Variants in CDH18 observed in about 807,000 individuals in gnomAD.
CDH18 encodes the protein cadherin-18.
CDH18 carries 31 observed loss-of-function variants against 67.9 expected under a neutral mutation model. The ratio of observed to expected loss-of-function variants is 0.46; its 90% CI spans 0.34 to 0.62. The LOEUF (loss-of-function observed/expected upper bound fraction) is 0.62. Ranked by LOEUF, CDH18 falls within the 20% of genes least tolerant of loss-of-function variation. The pLI is 0.01. For missense variants in CDH18, 890 were observed against 975.5 expected (o/e 0.91, Z 1.17); for synonymous variants, 362 against 347.2 (o/e 1.04, Z -0.48).
At chr5:19,717,932 T>C (rs1765538002) in intron 5 of CDH18, among the ~76,000 whole-genome samples, 1 of 152,024 alleles carries the variant, frequency 6.6e-6, no homozygotes. Context: ...TGTCCTTTGT[T>C]GGTACACACT....
At chr5:19,805,084 C>T (rs549491518) in intron 3 of CDH18, among the ~76,000 whole-genome samples, 1 of 151,908 alleles carries the variant, frequency 6.6e-6, no homozygotes, top group African/African-American at 2.4e-5. Flanking sequence ...GTAGCTGAGA[C>T]TACAGGCGTA....
chr5:19,553,955 C>G (rs1737921784), intron 8 of CDH18, among the ~76,000 whole-genome samples: 1 of 152,034 alleles, frequency 6.6e-6, no homozygotes, highest in Non-Finnish European at 1.5e-5. Flanking sequence ...TTTAGCTTAA[C>G]AAAAAGTCAC....
chr5:20,202,912 GAAAAC>G (rs543494006), intron 2 of CDH18, among the ~76,000 whole-genome samples: 1 of 151,764 alleles, frequency 6.6e-6, no homozygotes, highest in African/African-American at 2.4e-5. Flanking sequence ...CCATTCAGAA[GAAAAC>G]AAAACAAAAC....
chr5:20,277,683 C>T (rs554100823), intron 1 of CDH18, among the ~76,000 whole-genome samples: 87 of 152,090 alleles, frequency 5.7e-4, no homozygotes, highest in African/African-American at 1.9e-3. Flanking sequence ...CACAAGGGAC[C>T]GATCCTGAAG....
At chr5:20,495,619 A>G (rs1753858647) in intron 1 of CDH18, among the ~76,000 whole-genome samples, 1 of 152,166 alleles carries the variant, frequency 6.6e-6, no homozygotes, top group South Asian at 2.1e-4. Flanking sequence ...GGAAGCGGAA[A>G]TGTCACAGGA....
At chr5:20,473,540 A>T (rs1752232695) in intron 1 of CDH18, among the ~76,000 whole-genome samples, 1 of 151,930 alleles carries the variant, frequency 6.6e-6, no homozygotes, top group African/African-American at 2.4e-5. Context: ...TATATAATGT[A>T]TAAATTCATT....
intron 1 of CDH18, among the ~76,000 whole-genome samples, chr5:20,284,477 C>T (rs537756299): frequency 6.6e-6 from 1 of 152,000 alleles, no homozygotes; most frequent in Admixed American, 6.6e-5. Flanking sequence ...GATTAATCTA[C>T]ATGCCTACCA....
intron 2 of CDH18, among the ~76,000 whole-genome samples, chr5:20,221,607 A>G (rs1373839415): frequency 6.6e-6 from 1 of 152,116 alleles, no homozygotes. Flanking sequence ...AAAAATAACT[A>G]AAAGAGAATA....
chr5:19,571,635 C>A lies in CDH18; in HGVS notation c.1197G>T (p.Gly399=), dbSNP rs763772867. Residue 399 remains glycine (G), a synonymous_variant, in exon 8 of 13, where the codon GGG becomes GGT. Transcript: ENST00000382275. The part of the protein sequence containing the change: ...LMEVYENAKI[G]TVVGTVLAQD... The stretch of plus-strand genomic sequence containing the variant: ...GTGCCAAAACTGTACCAACGACGGT[C>A]CCAATCTTGGCATTTTCGTAGACTT... The A allele has an allele frequency of 6.2e-7, 1 of 1,613,914 alleles. No homozygotes were observed. The highest frequency in any genetic ancestry group is 1.1e-5 in the South Asian group (1 of 91,076).
chr5:19,994,247 A>G (rs1258593632), intron 2 of CDH18, among the ~76,000 whole-genome samples: 2 of 138,990 alleles, frequency 1.4e-5, no homozygotes, highest in East Asian at 2.2e-4. Flanking sequence ...ACACACACAT[A>G]TACACATATA....
chr5:19,729,997 C>G (rs551523161), intron 4 of CDH18, among the ~76,000 whole-genome samples: 1 of 151,986 alleles, frequency 6.6e-6, no homozygotes, highest in African/African-American at 2.4e-5. Context: ...TCTCTCTCTC[C>G]CTGCCTTTCT....
At chr5:20,453,795 A>G (rs1290942925) in intron 1 of CDH18, among the ~76,000 whole-genome samples, 2 of 152,054 alleles carry the variant, frequency 1.3e-5, no homozygotes, top group South Asian at 2.1e-4. Flanking sequence ...TCTTCTTCAA[A>G]CCTAAACTTA....
chr5:20,418,828 G>A (rs1261045675), intron 1 of CDH18, among the ~76,000 whole-genome samples: 1 of 152,126 alleles, frequency 6.6e-6, no homozygotes, highest in Non-Finnish European at 1.5e-5. Context: ...ACGTCCTAAT[G>A]TGATAGTGTT....
chr5:19,578,437 T>C (rs976492948), intron 7 of CDH18, among the ~76,000 whole-genome samples: 15 of 152,210 alleles, frequency 9.9e-5, no homozygotes, highest in African/African-American at 3.6e-4. Flanking sequence ...CTCGAAATCC[T>C]TCATATTAAA....
At chr5:19,709,275 A>G (rs563774745) in intron 5 of CDH18, among the ~76,000 whole-genome samples, 7 of 152,252 alleles carry the variant, frequency 4.6e-5, no homozygotes, top group East Asian at 3.9e-4. Flanking sequence ...TGTATTTTAA[A>G]GAAAAGGCTT....
chr5:20,169,953 A>C (rs950124155), intron 2 of CDH18, among the ~76,000 whole-genome samples: 8 of 152,192 alleles, frequency 5.3e-5, no homozygotes, highest in Admixed American at 4.6e-4. Context: ...AGTATTAAAC[A>C]ATAAGTTTTT....
At chr5:20,280,872 G>C (rs151139483) in intron 1 of CDH18, among the ~76,000 whole-genome samples, 6,297 of 152,226 alleles carry the variant, frequency 0.041, 377 homozygotes, top group East Asian at 0.28. Context: ...AGCACCTGTT[G>C]TTTCCTGACT....
intron 1 of CDH18, among the ~76,000 whole-genome samples, chr5:20,560,865 A>G (rs1758168463): frequency 6.6e-6 from 1 of 152,132 alleles, no homozygotes; most frequent in African/African-American, 2.4e-5. Context: ...TTCAAAAGAC[A>G]TATTTCAAAA....
At chr5:20,497,213 T>C (rs1270343349) in intron 1 of CDH18, among the ~76,000 whole-genome samples, 1 of 152,132 alleles carries the variant, frequency 6.6e-6, no homozygotes, top group East Asian at 1.9e-4. Context: ...CCAGGTTGTT[T>C]TGAGCCTTAT....
Sources: gnomAD v4.1 joint callset for allele counts (sites outside exome capture counted in the v4.1 genomes callset) on GRCh38, gnomAD v4.1.1 for gene constraint, MANE v1.5 for transcripts, NCBI Gene and HGNC (gene_info 2026-07-23, HGNC 2026-07-21) for gene names.